Variants in MTX2 observed in about 807,000 individuals in gnomAD.
MTX2 encodes the protein metaxin-2.
MTX2 carries 35 observed loss-of-function variants against 42.3 expected under a neutral mutation model. That is an observed-to-expected ratio of 0.83 (90% confidence interval 0.63 to 1.10). The LOEUF (loss-of-function observed/expected upper bound fraction) is 1.10. Ranked by LOEUF, MTX2 falls within the 50% of genes least tolerant of loss-of-function variation. The probability of loss-of-function intolerance (pLI) is 0.00; values close to 1 mark genes in which losing one functional copy is unlikely to be tolerated. For missense variants in MTX2, 307 were observed against 304.1 expected (o/e 1.01, Z -0.07); for synonymous variants, 119 against 100.9 (o/e 1.18, Z -1.08).
intron 3 of MTX2, among the ~76,000 whole-genome samples, chr2:176,315,698 G>C (rs1479164495): frequency 1.3e-5 from 2 of 152,094 alleles, no homozygotes; most frequent in Non-Finnish European, 2.9e-5. Flanking sequence ...TTGCCTCTCT[G>C]ATCCCATCTC....
intron 4 of MTX2, among the ~76,000 whole-genome samples, chr2:176,325,144 T>A (rs1414529226): frequency 1.3e-5 from 2 of 151,788 alleles, no homozygotes; most frequent in East Asian, 1.9e-4. Context: ...TTAGATGACA[T>A]CCAAGGTCCT....
intron 3 of MTX2, among the ~76,000 whole-genome samples, chr2:176,313,926 T>C (rs1684376957): frequency 1.3e-5 from 2 of 152,144 alleles, no homozygotes; most frequent in South Asian, 4.2e-4. Context: ...TAAAGGATGG[T>C]AAGGACAGCA....
intron 3 of MTX2, among the ~76,000 whole-genome samples, chr2:176,315,809 A>C (rs1438245734): frequency 6.6e-6 from 1 of 152,138 alleles, no homozygotes. Flanking sequence ...TTAAACTTGG[A>C]CTGTTCTCCC....
chr2:176,287,266 T>C (rs939615275), intron 1 of MTX2, among the ~76,000 whole-genome samples: 10 of 152,202 alleles, frequency 6.6e-5, no homozygotes, highest in African/African-American at 2.4e-4. Context: ...ATTTATTGAA[T>C]GAACGATAAA....
chr2:176,302,125 TG>T (rs1029957633), intron 3 of MTX2, among the ~76,000 whole-genome samples: 7 of 149,544 alleles, frequency 4.7e-5, no homozygotes, highest in African/African-American at 7.5e-5. Flanking sequence ...AAAAAGCTGG[TG>T]TTTTTTTTTT....
rs78942880 is a variant in MTX2 at position 176,273,672 on chromosome 2, A to G, written c.40+4003A>G. On this transcript the variant is annotated intron_variant, in intron 1 of 9. Coordinates refer to ENST00000249442, the MANE Select transcript of MTX2 (RefSeq NM_006554.5). ...TCCCCAGTTTAAGTGAACTGCTTCT[A>G]TCTCCTTACTACCAGTATTTCCCTT... Among the ~76,000 whole-genome samples the G allele has an allele frequency of 1.4e-3, 215 of 152,236 alleles. No individual in the cohort carries two copies. The East Asian group carries it at 0.024, about 17-fold the overall frequency.
intron 1 of MTX2, among the ~76,000 whole-genome samples, chr2:176,284,369 A>G (rs1038649082): frequency 6.6e-6 from 1 of 152,122 alleles, no homozygotes; most frequent in Non-Finnish European, 1.5e-5. Context: ...ACTTTACCTG[A>G]GTTATTGGCT....
intron 2 of MTX2, 123 bp downstream of exon 2, chr2:176,297,030 A>AT (rs1683904581): frequency 9.1e-7 from 1 of 1,096,360 alleles, no homozygotes; most frequent in Admixed American, 2.0e-5. Flanking sequence ...CCCTTGTATA[A>AT]TTTGTCTAGG....
chr2:176,296,764 T>C (rs1683896117), intron 1 of MTX2, 96 bp from the exon 2 acceptor site: 1 of 1,283,984 alleles, frequency 7.8e-7, no homozygotes, highest in Non-Finnish European at 1.1e-6. Flanking sequence ...CAAATGACTT[T>C]AAATGCTGTA....
At chr2:176,320,188 C>T (rs1246826696) in intron 3 of MTX2, among the ~76,000 whole-genome samples, 1 of 151,832 alleles carries the variant, frequency 6.6e-6, no homozygotes, top group East Asian at 1.9e-4. Flanking sequence ...TTGAAGGTTG[C>T]ATTGAGCTGA....
At chr2:176,282,141 T>TTTTTTTTTTG (rs1693095729) in intron 1 of MTX2, among the ~76,000 whole-genome samples, 1 of 142,844 alleles carries the variant, frequency 7.0e-6, no homozygotes, top group African/African-American at 2.6e-5. Context: ...TTTTTTTTTT[T>TTTTTTTTTTG]TTTTTTTTTT....
At chr2:176,270,469 T>C (rs1476699775) in intron 1 of MTX2, 1 of 1,261,198 alleles carries the variant, frequency 7.9e-7, no homozygotes, top group Non-Finnish European at 1.1e-6. Flanking sequence ...TGAAAGAAAT[T>C]AAATATTGTT....
chr2:176,330,112 C>T (rs1038082217), intron 8 of MTX2, among the ~76,000 whole-genome samples: 3 of 151,044 alleles, frequency 2.0e-5, no homozygotes, highest in African/African-American at 4.8e-5. Flanking sequence ...AAATAAAAAT[C>T]TATCTCCACT....
In MTX2 at chr2:176,269,502, A is replaced by G. The variant is rs1341976546; in HGVS notation, c.-128A>G. On this transcript the variant is annotated 5_prime_UTR_variant, in exon 1 of 10. Coordinates refer to ENST00000249442, the MANE Select transcript of MTX2 (RefSeq NM_006554.5). The stretch of plus-strand genomic sequence containing the variant: ...TCACTGCAGCCGCCGCTGCTGTTGG[A>G]GTGGGCTTTGCGAGTCTGAACGTTG... The G allele has an allele frequency of 4.9e-6, 5 of 1,029,922 alleles. No homozygotes were observed. The highest frequency in any genetic ancestry group is 2.7e-6 in the Non-Finnish European group (2 of 740,558). 63.8% of individuals were successfully genotyped at this position (1,029,922 alleles called of 1,614,324 possible).
chr2:176,314,540 G>T (rs1684392320), intron 3 of MTX2, among the ~76,000 whole-genome samples: 1 of 151,984 alleles, frequency 6.6e-6, no homozygotes, highest in Non-Finnish European at 1.5e-5. Context: ...TTTCTTTCTG[G>T]AGTATTATTA....
At chr2:176,282,330 A>C (rs1693100105) in intron 1 of MTX2, among the ~76,000 whole-genome samples, 2 of 151,980 alleles carry the variant, frequency 1.3e-5, no homozygotes, top group Non-Finnish European at 2.9e-5. Flanking sequence ...AGATCATTTT[A>C]ATATGAAGAG....
chr2:176,332,716 A>G (rs1405505333), intron 9 of MTX2, among the ~76,000 whole-genome samples: 2 of 151,448 alleles, frequency 1.3e-5, no homozygotes, highest in East Asian at 1.9e-4. Flanking sequence ...AGCCCTAAAG[A>G]TAAGTGATTA....
intron 1 of MTX2, among the ~76,000 whole-genome samples, chr2:176,282,259 G>A (rs1693099018): frequency 6.7e-6 from 1 of 150,288 alleles, no homozygotes; most frequent in South Asian, 2.1e-4. Context: ...GCCAGGTGCT[G>A]GGGGTACAAA....
chr2:176,324,663 A>G (rs1372965596), intron 4 of MTX2, among the ~76,000 whole-genome samples: 1 of 151,686 alleles, frequency 6.6e-6, no homozygotes, highest in Non-Finnish European at 1.5e-5. Flanking sequence ...GGCAAGTGAG[A>G]TATCAATATA....
Sources: allele counts gnomAD v4.1 joint callset (sites outside exome capture counted in the v4.1 genomes callset), GRCh38; gene constraint gnomAD v4.1.1; transcripts MANE v1.5; gene names NCBI Gene and HGNC (gene_info 2026-07-23, HGNC 2026-07-21).